Variants in FMO4 observed in about 807,000 individuals in gnomAD.
FMO4 encodes dimethylaniline monooxygenase [N-oxide-forming] 4.
Under a neutral mutation model 43.3 loss-of-function variants are expected in FMO4, and 38 were observed. The ratio of observed to expected loss-of-function variants is 0.88; its 90% CI spans 0.68 to 1.15. The LOEUF (loss-of-function observed/expected upper bound fraction) is 1.15. Among genes scored for constraint, FMO4 ranks in the 50% most tolerant of loss-of-function variants. The probability of loss-of-function intolerance (pLI) is 0.00; values close to 1 mark genes in which losing one functional copy is unlikely to be tolerated. For synonymous variants in FMO4, 224 were observed against 232.2 expected, an observed-to-expected ratio of 0.96 and a Z score of 0.32; for missense variants, 631 against 663.3, an observed-to-expected ratio of 0.95 and a Z score of 0.54.
At chr1:171,335,768 G>GA (rs1663092267) in intron 8 of FMO4, among the ~76,000 whole-genome samples, 1 of 152,038 alleles carries the variant, frequency 6.6e-6, no homozygotes, top group South Asian at 2.1e-4. Flanking sequence ...AAGGCAGTTA[G>GA]AAAATCTCAT....
At chr1:171,328,738 G>A (rs1445587293) in intron 5 of FMO4, among the ~76,000 whole-genome samples, 8 of 152,050 alleles carry the variant, frequency 5.3e-5, no homozygotes, top group African/African-American at 1.9e-4. Context: ...ACCTTGGGTG[G>A]TGTTGAAAGT....
intron 3 of FMO4, among the ~76,000 whole-genome samples, chr1:171,322,682 A>G (rs771460390): frequency 4.6e-5 from 7 of 152,134 alleles, no homozygotes; most frequent in Non-Finnish European, 8.8e-5. Flanking sequence ...GTGAAATCCC[A>G]TCTCTACTAA....
rs1487707529 is a variant in FMO4, at chr1:171,322,889, T to C, written c.133-115T>C. 2.0e-5 allele frequency: 14 copies of C among 704,704 alleles called. No individual in the cohort carries two copies. In the South Asian group the frequency reaches 2.4e-4, roughly 12 times the overall value. 43.7% of individuals were successfully genotyped at this position (704,704 alleles called of 1,614,324 possible). A position where few individuals can be genotyped will look rare whatever the true frequency, so the allele number is the denominator to read the frequency against. ...CAATAAAAGTAAATAAAATTACAAA[T>C]GGAACATTAATTGCTATAACCCGCC... is the stretch of plus-strand genomic sequence containing the variant. On this transcript the variant is annotated intron_variant, in intron 3 of 9. Transcript: ENST00000367749.
At chr1:171,317,108 A>T (rs571969961) in intron 2 of FMO4, among the ~76,000 whole-genome samples, 46 of 152,306 alleles carry the variant, frequency 3.0e-4, no homozygotes, top group Middle Eastern at 3.4e-3. Flanking sequence ...TTGGTTTCAG[A>T]TCCTGAAATC....
Position 171,334,445 on chromosome 1 carries a change from C to T in FMO4, c.862C>T (p.Pro288Ser), listed in dbSNP as rs775247461. The change falls in exon 8 of 10, where the codon CCA becomes TCA. Residue 288 changes from proline (P) to serine (S), a missense_variant. Coordinates refer to ENST00000367749, the MANE Select transcript of FMO4 (RefSeq NM_002022.3). ...KAKFIVNDEL[P>S]NCILCGAITM... ...AAAATTCATTGTGAATGATGAGCTG[C>T]CAAACTGTATCCTCTGTGGGGCAAT... 1 of 1,598,094 alleles carries T rather than the reference C, an allele frequency of 6.3e-7. No homozygotes were observed. Among genetic ancestry groups the T allele is most frequent in the Admixed American group, 1.8e-5 (1 of 56,252 alleles).
intron 3 of FMO4, 94 bp downstream of exon 3, chr1:171,320,051 G>A: frequency 7.2e-7 from 1 of 1,385,432 alleles, no homozygotes; most frequent in Non-Finnish European, 1.0e-6. Context: ...ATCAAGTAAG[G>A]GAGTGGCTTA....
At chr1:171,330,484 C>T (rs1662851160) in intron 5 of FMO4, among the ~76,000 whole-genome samples, 1 of 152,220 alleles carries the variant, frequency 6.6e-6, no homozygotes, top group South Asian at 2.1e-4. Context: ...GTTTAATTGA[C>T]TCCCAGTTCC....
chr1:171,319,956 C>G lies in FMO4; in HGVS notation c.131C>G (p.Thr44Ser), dbSNP rs529712306. 43 of 1,613,748 alleles carry G rather than the reference C, an allele frequency of 2.7e-5. No homozygotes were observed. In the South Asian group the frequency reaches 4.1e-4, roughly 15 times the overall value. Residue 44 changes from threonine to serine, a missense_variant and splice_region_variant, in exon 3 of 10, where the codon ACT becomes AGT. Thr to Ser is a moderately conservative substitution (Grantham distance 58). Coordinates refer to ENST00000367749, the MANE Select transcript of FMO4 (RefSeq NM_002022.3). ...GACATTGGGGGATTATGGAAGTTTA[C>G]TGTACGTGGTTCATCTCTATCAGTC... ...SDDIGGLWKF[T>S]ESSKDGMTRV...
At chr1:171,341,357 G>C (rs919679507) in intron 9 of FMO4, 56 bp from the exon 10 acceptor site, 7 of 1,366,610 alleles carry the variant, frequency 5.1e-6, no homozygotes, top group Non-Finnish European at 7.1e-6. Context: ...CTGATAACTT[G>C]AGAAATGCAG....
At chr1:171,322,404 T>C (rs1662472653) in intron 3 of FMO4, among the ~76,000 whole-genome samples, 1 of 152,160 alleles carries the variant, frequency 6.6e-6, no homozygotes, top group Non-Finnish European at 1.5e-5. Context: ...CATGGAATTG[T>C]TTAAGGACAA....
At chr1:171,320,107 C>T in intron 3 of FMO4, 150 bp downstream of exon 3, 3 of 832,232 alleles carry the variant, frequency 3.6e-6, no homozygotes, top group Non-Finnish European at 3.9e-6. Context: ...AAACATTAGG[C>T]AGGATGCAGT....
At chr1:171,316,702 G>A (rs1473480488) in intron 2 of FMO4, among the ~76,000 whole-genome samples, 1 of 152,118 alleles carries the variant, frequency 6.6e-6, no homozygotes, top group Non-Finnish European at 1.5e-5. Flanking sequence ...AAAAGTCTAA[G>A]AGGAAAAATG....
chr1:171,315,976 C>T (rs186133000), intron 1 of FMO4, among the ~76,000 whole-genome samples: 4 of 152,220 alleles, frequency 2.6e-5, no homozygotes, highest in Admixed American at 6.5e-5. Flanking sequence ...CAGTCACGGT[C>T]TTTTTTAAAT....
At chr1:171,323,767 G>C (rs1462390712) in intron 4 of FMO4, among the ~76,000 whole-genome samples, 1 of 152,070 alleles carries the variant, frequency 6.6e-6, no homozygotes, top group East Asian at 1.9e-4. Flanking sequence ...AAAGAATTTT[G>C]TCCATGAAGC....
chr1:171,318,025 T>G (rs891170962), intron 2 of FMO4, among the ~76,000 whole-genome samples: 2 of 152,048 alleles, frequency 1.3e-5, no homozygotes, highest in African/African-American at 2.4e-5. Context: ...TCCAAAATAC[T>G]TGGGACCAGG....
rs150913971 is a variant in FMO4, at chr1:171,331,766, G to A, written c.611G>A (p.Ser204Asn). Residue 204 changes from serine to asparagine, a missense_variant, in exon 6 of 10, where the codon AGT becomes AAT. Physicochemically the swap from Ser to Asn is conservative, Grantham distance 46. Coordinates refer to ENST00000367749, the MANE Select transcript of FMO4 (RefSeq NM_002022.3). ...GGAGGAGACATTGCTGTGGAACTCA[G>A]TCGAACGGCAGCTCAGGTACATCAT... is the stretch of plus-strand genomic sequence containing the variant. Reference protein sequence around the residue: ...NTGGDIAVELSRTAAQVLLST... With the variant: ...NTGGDIAVELNRTAAQVLLST... 12 of 1,613,864 alleles carry A rather than the reference G, an allele frequency of 7.4e-6. No individual in the cohort carries two copies. The highest frequency in any genetic ancestry group is 5.0e-5 in the Admixed American group (3 of 60,012).
intron 7 of FMO4, among the ~76,000 whole-genome samples, chr1:171,333,735 T>C (rs2101900544): frequency 6.6e-6 from 1 of 152,326 alleles, no homozygotes; most frequent in Admixed American, 6.5e-5. Context: ...GGAAAACTAC[T>C]GGCAAAGGAT....
In FMO4 at chr1:171,332,919, T is replaced by G. The variant is rs1195400356; in HGVS notation, c.827+11T>G. 3 of 1,111,532 alleles carry G rather than the reference T, an allele frequency of 2.7e-6. No homozygotes were observed. Among genetic ancestry groups the G allele is most frequent in the Admixed American group, 1.8e-5 (1 of 56,114 alleles). The allele number at this position is 1,111,532 out of a possible 1,614,324, so 68.9% of individuals were successfully genotyped here. A position where few individuals can be genotyped will look rare whatever the true frequency, so the allele number is the denominator to read the frequency against. On this transcript the variant is annotated intron_variant, in intron 7 of 9. Coordinates refer to ENST00000367749, the MANE Select transcript of FMO4 (RefSeq NM_002022.3). ...AAGTATTACCAAAGGGTACTTACATTTTTTATTTAGTAGAAAAAATATTAA... is the reference window on the plus strand; with the variant it reads ...AAGTATTACCAAAGGGTACTTACATGTTTTATTTAGTAGAAAAAATATTAA...
chr1:171,323,297 C>A, intron 4 of FMO4, 105 bp downstream of exon 4: 2 of 716,634 alleles, frequency 2.8e-6, no homozygotes, highest in Non-Finnish European at 2.3e-6. Flanking sequence ...ATTTTATCTC[C>A]AAATAAATAG....
Sources: gnomAD v4.1 joint callset for allele counts (sites outside exome capture counted in the v4.1 genomes callset) on GRCh38, gnomAD v4.1.1 for gene constraint, MANE v1.5 for transcripts, NCBI Gene and HGNC (gene_info 2026-07-23, HGNC 2026-07-21) for gene names.